The following PARP11 variants were observed in gnomAD, a reference collection of about 807,000 sequenced individuals.
PARP11 encodes protein mono-ADP-ribosyltransferase PARP11.
Under a neutral mutation model 42.9 loss-of-function variants are expected in PARP11, and 31 were observed. The ratio of observed to expected loss-of-function variants is 0.72; its 90% CI spans 0.54 to 0.98. The LOEUF is 0.98. PARP11 is among the 50% of genes least tolerant of loss of function. The pLI is 0.00. For missense variants in PARP11, 365 were observed against 413.1 expected, an observed-to-expected ratio of 0.88 and a Z score of 1.01; for synonymous variants, 137 against 127.3, an observed-to-expected ratio of 1.08 and a Z score of -0.51.
Position 3,812,069 on chromosome 12 carries a change from C to T in PARP11, c.*54G>A, listed in dbSNP as rs925784430. On this transcript the variant is annotated 3_prime_UTR_variant, in exon 8 of 8. Transcript: ENST00000228820. ...AGTGGCTAGATGACTGAAGAGCAAA[C>T]CTTCCTGCAAAAAAGAATAAAGCTT... The T allele has an allele frequency of 2.2e-5, 30 of 1,356,808 alleles. No individual in the cohort carries two copies. Among genetic ancestry groups the T allele is most frequent in the South Asian group, 1.4e-5 (1 of 71,172 alleles). 84.0% of individuals were successfully genotyped at this position (1,356,808 alleles called of 1,614,324 possible).
chr12:3,845,470 T>A (rs1947978641), intron 1 of PARP11, among the ~76,000 whole-genome samples: 1 of 152,206 alleles, frequency 6.6e-6, no homozygotes, highest in Admixed American at 6.5e-5. Context: ...GCAATAAAGT[T>A]CCTTTCTAAC....
intron 1 of PARP11, among the ~76,000 whole-genome samples, chr12:3,830,868 T>C (rs938289887): frequency 6.6e-6 from 1 of 152,210 alleles, no homozygotes; most frequent in African/African-American, 2.4e-5. Context: ...GCCGCCGTCA[T>C]ATACTGTCTT....
At chr12:3,860,801 T>G (rs187737883) in intron 1 of PARP11, among the ~76,000 whole-genome samples, 3 of 152,168 alleles carry the variant, frequency 2.0e-5, no homozygotes, top group African/African-American at 7.2e-5. Context: ...TTCAGCTTCC[T>G]GAGGAGCTGG....
chr12:3,831,221 A>G (rs570717143), intron 1 of PARP11, among the ~76,000 whole-genome samples: 2 of 152,238 alleles, frequency 1.3e-5, no homozygotes, highest in South Asian at 4.1e-4. Context: ...AGCCAATGCT[A>G]TAATTTCACT....
At position 3,829,774 on chromosome 12, in the gene PARP11, T is replaced by C. The variant is rs75203151; in HGVS notation, c.147+116A>G. 3,413 of 1,083,788 alleles carry C rather than the reference T, an allele frequency of 3.1e-3. 84 individuals are homozygous for C. The Admixed American group carries it at 0.04, about 13-fold the overall frequency. 67.1% of individuals were successfully genotyped at this position (1,083,788 alleles called of 1,614,324 possible). On this transcript the variant is annotated intron_variant, in intron 2 of 7. Transcript: ENST00000228820. ...CTAACTTTTCTTTTAGTTAAACAAT[T>C]TTATTTCCTTAAGCTTTGACTTCAA...
chr12:3,826,767 C>T (rs545430178), intron 3 of PARP11, among the ~76,000 whole-genome samples: 121 of 152,244 alleles, frequency 7.9e-4, no homozygotes, highest in African/African-American at 2.6e-3. Context: ...CCTGGCTAGA[C>T]CCAGTACAAA....
At position 3,840,648 on chromosome 12, in the gene PARP11, A is replaced by G; in HGVS notation, c.19-10630T>C. On this transcript the variant is annotated intron_variant, in intron 1 of 7. Transcript: ENST00000228820. This position sits in a 1 kb window ranked among gnomAD's most constrained non-coding sequence, Gnocchi z 4.4. The stretch of plus-strand genomic sequence containing the variant: ...TCTCAGAGTAGCAATCCATGTGTCC[A>G]GAGAAAATCATCACACGTAAGTGAT... 1.7e-6 allele frequency: 2 copies of G among 1,202,878 alleles called. No homozygotes were observed. Among genetic ancestry groups the G allele is most frequent in the South Asian group, 1.2e-5 (1 of 82,898 alleles). 74.5% of individuals were successfully genotyped at this position (1,202,878 alleles called of 1,614,324 possible).
intron 3 of PARP11, among the ~76,000 whole-genome samples, chr12:3,826,892 A>T (rs1319429228): frequency 6.6e-6 from 1 of 152,132 alleles, no homozygotes; most frequent in East Asian, 1.9e-4. Flanking sequence ...TCATTCCTCA[A>T]AGTTAAGTAG....
At chr12:3,867,112 T>C (rs942121712) in intron 1 of PARP11, among the ~76,000 whole-genome samples, 1 of 152,308 alleles carries the variant, frequency 6.6e-6, no homozygotes, top group Admixed American at 6.5e-5. Context: ...ATGACATAAG[T>C]TGAAAAAGGT....
chr12:3,816,089 A>G (rs1947282212), intron 6 of PARP11, among the ~76,000 whole-genome samples: 1 of 152,238 alleles, frequency 6.6e-6, no homozygotes, highest in South Asian at 2.1e-4. Flanking sequence ...TACTTTACAA[A>G]AAGTCAGCAT....
In PARP11 at chr12:3,828,956, G is replaced by T. The variant is rs764880317; in HGVS notation, c.222C>A (p.Ser74=). 5 of 1,613,814 alleles carry T rather than the reference G, an allele frequency of 3.1e-6. No individual in the cohort carries two copies. Among genetic ancestry groups the T allele is most frequent in the Non-Finnish European group, 4.2e-6 (5 of 1,179,862 alleles). Residue 74 remains serine (S), a synonymous_variant, in exon 3 of 8, where the codon TCC becomes TCA. Transcript: ENST00000228820. ...EKSFKTNPCG[S]ISFTTSKFSY... is the part of the protein sequence containing the mutation. ...TGAATTTGGAAGTAGTAAAAGAAAT[G>T]GAGCCACAAGGGTTTGTTTTGAAGC...
chr12:3,867,616 A>G (rs1210786411), intron 1 of PARP11, among the ~76,000 whole-genome samples: 1 of 152,206 alleles, frequency 6.6e-6, no homozygotes, highest in Non-Finnish European at 1.5e-5. Flanking sequence ...TCACCAAGCT[A>G]TGTTGCAAAT....
chr12:3,863,905 C>A (rs1200495169), intron 1 of PARP11: 1 of 152,158 alleles, frequency 6.6e-6, no homozygotes, highest in Admixed American at 6.5e-5. Flanking sequence ...CTAGTATAAA[C>A]AATCTGGACA....
chr12:3,822,006 G>A lies in PARP11; in HGVS notation c.418-3C>T. 1 of 1,605,716 alleles carries A rather than the reference G, an allele frequency of 6.2e-7. No individual in the cohort carries two copies. The highest frequency in any genetic ancestry group is 8.5e-7 in the Non-Finnish European group (1 of 1,176,954). On this transcript the variant is annotated splice_region_variant and splice_polypyrimidine_tract_variant and intron_variant, in intron 5 of 7. Coordinates refer to ENST00000228820, the MANE Select transcript of PARP11 (RefSeq NM_020367.6). Reference sequence around the variant, plus strand: ...GTTTGATTGTGCAGAGGAATAAGCTGGAAAAATAAATTTGCATAGATTTAC... The same window carrying A: ...GTTTGATTGTGCAGAGGAATAAGCTAGAAAAATAAATTTGCATAGATTTAC...
At chr12:3,871,156 T>C (rs1948470911) in intron 1 of PARP11, among the ~76,000 whole-genome samples, 1 of 152,218 alleles carries the variant, frequency 6.6e-6, no homozygotes, top group Non-Finnish European at 1.5e-5. Flanking sequence ...TTCTAACTTA[T>C]CTGGAAATAT....
At chr12:3,813,589 A>C (rs1947225534) in intron 7 of PARP11, among the ~76,000 whole-genome samples, 1 of 152,234 alleles carries the variant, frequency 6.6e-6, no homozygotes, top group Non-Finnish European at 1.5e-5. Context: ...CCTTTTTAGT[A>C]GTTATTTTTT....
chr12:3,841,754 T>A (rs1947893272), intron 1 of PARP11: 1 of 1,612,750 alleles, frequency 6.2e-7, no homozygotes, highest in Non-Finnish European at 8.5e-7. Context: ...TTTCCTCATG[T>A]TTGGCATGGG....
At chr12:3,833,120 C>A (rs757293579) in intron 1 of PARP11, among the ~76,000 whole-genome samples, 4 of 152,198 alleles carry the variant, frequency 2.6e-5, no homozygotes, top group Admixed American at 2.6e-4. Flanking sequence ...TAGTTTACTA[C>A]AACAAAGTAT....
At chr12:3,824,828 ATTC>A (rs574982354) in intron 4 of PARP11, among the ~76,000 whole-genome samples, 5 of 152,224 alleles carry the variant, frequency 3.3e-5, no homozygotes, top group Non-Finnish European at 7.3e-5. Flanking sequence ...AAGATAAGTA[ATTC>A]TTTTATTATA....
Sources: allele counts gnomAD v4.1 joint callset (sites outside exome capture counted in the v4.1 genomes callset), GRCh38; gene constraint gnomAD v4.1.1; non-coding constraint Gnocchi (gnomAD v3.1); transcripts MANE v1.5; gene names NCBI Gene and HGNC (gene_info 2026-07-23, HGNC 2026-07-21).